The following UBE2E3 variants were observed in gnomAD, a reference collection of about 807,000 sequenced individuals.
UBE2E3 encodes the protein ubiquitin conjugating enzyme E2 E3, also known as ubiquitin-conjugating enzyme E2 E3.
Under a neutral mutation model 23.6 loss-of-function variants are expected in UBE2E3, and 5 were observed. That is an observed-to-expected ratio of 0.21 (90% CI 0.11 to 0.44). The LOEUF (loss-of-function observed/expected upper bound fraction) is 0.44. Among genes scored for constraint, UBE2E3 ranks in the 20% least tolerant of loss-of-function variants. The pLI, the probability that UBE2E3 is intolerant of heterozygous loss-of-function variation, is 0.99. For missense variants in UBE2E3, 81 were observed against 249.8 expected, an observed-to-expected ratio of 0.32 and a Z score of 4.55; for synonymous variants, 78 against 87.5, an observed-to-expected ratio of 0.89 and a Z score of 0.60.
chr2:180,997,423 T>C (rs1684859447), intron 3 of UBE2E3, among the ~76,000 whole-genome samples: 1 of 152,134 alleles, frequency 6.6e-6, no homozygotes, highest in South Asian at 2.1e-4. Flanking sequence ...TTCTCTTCAG[T>C]TTCATCTTCT....
At chr2:181,034,392 C>T (rs1028826122) in intron 3 of UBE2E3, among the ~76,000 whole-genome samples, 27 of 152,264 alleles carry the variant, frequency 1.8e-4, no homozygotes, top group South Asian at 4.1e-4. Context: ...ATGGATGAAG[C>T]TGGAAACCAT....
chr2:181,022,943 A>G (rs924867875), intron 3 of UBE2E3, among the ~76,000 whole-genome samples: 4 of 152,238 alleles, frequency 2.6e-5, no homozygotes, highest in Admixed American at 2.6e-4. Flanking sequence ...GATAAGCACT[A>G]CTGGAAGTCA....
At chr2:181,002,910 A>G (rs1349594784) in intron 3 of UBE2E3, among the ~76,000 whole-genome samples, 1 of 152,202 alleles carries the variant, frequency 6.6e-6, no homozygotes, top group Non-Finnish European at 1.5e-5. Context: ...TTTCTTGGCT[A>G]GAGATAACTA....
chr2:181,033,923 A>G (rs2105651907), intron 3 of UBE2E3, among the ~76,000 whole-genome samples: 1 of 152,328 alleles, frequency 6.6e-6, no homozygotes, highest in East Asian at 1.9e-4. Context: ...GACACATGAA[A>G]AAATGCTCAT....
chr2:181,058,705 TAAA>T (rs1392028594), intron 4 of UBE2E3, among the ~76,000 whole-genome samples: 4 of 144,812 alleles, frequency 2.8e-5, no homozygotes, highest in African/African-American at 5.0e-5. Context: ...CTATACCATT[TAAA>T]ATTTATGTAG....
rs183704310 is a variant in UBE2E3 at position 181,057,495 on chromosome 2, C to T, written c.246-198C>T. On this transcript the variant is annotated intron_variant, in intron 3 of 5. Transcript: ENST00000410062. Reference sequence around the variant, plus strand: ...TTTCTTTGTACTTTTCTTGCATTTCCTCTGTAAGTTTGTAATATTTCCAAG... The same window carrying T: ...TTTCTTTGTACTTTTCTTGCATTTCTTCTGTAAGTTTGTAATATTTCCAAG... 2.3e-3 allele frequency among the ~76,000 whole-genome samples: 355 copies of T among 151,828 alleles called. 1 individual carries two copies. The highest frequency in any genetic ancestry group is 8.3e-3 in the African/African-American group (343 of 41,468).
At chr2:180,986,360 G>A (rs1684469478) in intron 3 of UBE2E3, among the ~76,000 whole-genome samples, 1 of 152,094 alleles carries the variant, frequency 6.6e-6, no homozygotes, top group Admixed American at 6.5e-5. Flanking sequence ...CAGATACTTT[G>A]TCTTCAAATT....
At position 181,057,679 on chromosome 2, in the gene UBE2E3, T is replaced by C. The variant is rs370441269; in HGVS notation, c.246-14T>C. The C allele has an allele frequency of 1.8e-5, 28 of 1,597,756 alleles. No homozygotes were observed. The highest frequency in any genetic ancestry group is 2.2e-5 in the Non-Finnish European group (26 of 1,169,966). Reference sequence around the variant, plus strand: ...AATATATGTACATACTGATTTTTAATTTCTTTTAAATAGTGCTGGGCCTAA... The same window carrying C: ...AATATATGTACATACTGATTTTTAACTTCTTTTAAATAGTGCTGGGCCTAA... On this transcript the variant is annotated splice_polypyrimidine_tract_variant and intron_variant, in intron 3 of 5. Transcript: ENST00000410062.
At chr2:181,057,479 A>G (rs962501257) in intron 3 of UBE2E3, among the ~76,000 whole-genome samples, 1 of 151,776 alleles carries the variant, frequency 6.6e-6, no homozygotes, top group Non-Finnish European at 1.5e-5. Context: ...TTTTCTTTGT[A>G]CTTTTCTTGC....
intron 2 of UBE2E3, among the ~76,000 whole-genome samples, chr2:180,983,555 A>G (rs1684366209): frequency 6.6e-6 from 1 of 152,218 alleles, no homozygotes; most frequent in South Asian, 2.1e-4. Context: ...ACAAGTAAAG[A>G]TATTTGTAAA....
intron 3 of UBE2E3, among the ~76,000 whole-genome samples, chr2:181,032,623 T>A (rs1474507917): frequency 1.2e-4 from 19 of 152,208 alleles, no homozygotes; most frequent in Non-Finnish European, 4.4e-5. Context: ...TGATATTTAT[T>A]TTCTTCTAAG....
At chr2:181,018,183 A>G (rs1685554643) in intron 3 of UBE2E3, among the ~76,000 whole-genome samples, 1 of 141,548 alleles carries the variant, frequency 7.1e-6, no homozygotes, top group South Asian at 2.2e-4. Flanking sequence ...TGAATGTATA[A>G]TAAAAACAGT....
At chr2:180,987,272 A>T (rs1684506756) in intron 3 of UBE2E3, 1 of 1,513,276 alleles carries the variant, frequency 6.6e-7, no homozygotes, top group South Asian at 1.2e-5. Context: ...GTATTTATTG[A>T]GAATTGTTGA....
intron 3 of UBE2E3, among the ~76,000 whole-genome samples, chr2:181,000,696 A>C (rs1399964731): frequency 6.6e-6 from 1 of 151,708 alleles, no homozygotes; most frequent in Non-Finnish European, 1.5e-5. Context: ...CTGGGACTAC[A>C]GGCGCCCACC....
chr2:180,986,987 A>G (rs1421126840), intron 3 of UBE2E3, among the ~76,000 whole-genome samples: 1 of 152,122 alleles, frequency 6.6e-6, no homozygotes, highest in Non-Finnish European at 1.5e-5. Flanking sequence ...GATAGATTTA[A>G]TTGAATTGTG....
At chr2:181,004,238 T>C (rs185785656) in intron 3 of UBE2E3, among the ~76,000 whole-genome samples, 66 of 152,338 alleles carry the variant, frequency 4.3e-4, no homozygotes, top group African/African-American at 1.5e-3. Context: ...TTGAAACCAA[T>C]GGTGCAGTGT....
chr2:181,003,478 C>G (rs2105595562), intron 3 of UBE2E3, among the ~76,000 whole-genome samples: 1 of 152,216 alleles, frequency 6.6e-6, no homozygotes, highest in East Asian at 1.9e-4. Flanking sequence ...GGGGATGACG[C>G]TGTCTCAAGA....
chr2:181,037,821 T>C (rs147260709), intron 3 of UBE2E3, among the ~76,000 whole-genome samples: 42 of 152,070 alleles, frequency 2.8e-4, no homozygotes, highest in Non-Finnish European at 5.4e-4. Context: ...ATTTAAAAAT[T>C]AGCGGGCATG....
intron 3 of UBE2E3, among the ~76,000 whole-genome samples, chr2:181,050,188 C>A (rs563001277): frequency 1.3e-5 from 2 of 151,876 alleles, no homozygotes; most frequent in Non-Finnish European, 2.9e-5. Context: ...ATCACTATTT[C>A]CTGAACAGTT....
Sources: gnomAD v4.1 joint callset for allele counts (sites outside exome capture counted in the v4.1 genomes callset) on GRCh38, gnomAD v4.1.1 for gene constraint, MANE v1.5 for transcripts, NCBI Gene and HGNC (gene_info 2026-07-23, HGNC 2026-07-21) for gene names.